Variants in XKR6 observed in about 807,000 individuals in gnomAD.
XKR6 encodes XK-related protein 6.
Under a neutral mutation model 56.7 loss-of-function variants are expected in XKR6, and 22 were observed. The ratio of observed to expected loss-of-function variants is 0.39; its 90% CI spans 0.28 to 0.55. The LOEUF is 0.55. XKR6 is among the 20% of genes least tolerant of loss of function. The probability of loss-of-function intolerance (pLI) is 0.66; values close to 1 mark genes in which losing one functional copy is unlikely to be tolerated. For synonymous variants in XKR6, 524 were observed against 387.8 expected (o/e 1.35, Z -4.13); for missense variants, 852 against 889.0 (o/e 0.96, Z 0.53).
chr8:11,010,160 G>A (rs59925271), intron 1 of XKR6, among the ~76,000 whole-genome samples: 6,367 of 152,164 alleles, frequency 0.042, 438 homozygotes, highest in African/African-American at 0.14. Context: ...GGCCACAACA[G>A]GAGGAAGAGA....
At chr8:10,997,616 A>G (rs1194047791) in intron 1 of XKR6, among the ~76,000 whole-genome samples, 1 of 152,244 alleles carries the variant, frequency 6.6e-6, no homozygotes, top group Non-Finnish European at 1.5e-5. Context: ...GCCAGGGCAC[A>G]GCCTAGAGTC....
chr8:11,161,401 G>A (rs763642309), intron 1 of XKR6, among the ~76,000 whole-genome samples: 13 of 152,038 alleles, frequency 8.6e-5, no homozygotes, highest in South Asian at 2.1e-4. Flanking sequence ...CCTAATTCCC[G>A]TCTAGTGCCT....
At chr8:10,906,587 G>C (rs1800195753) in intron 2 of XKR6, among the ~76,000 whole-genome samples, 1 of 152,188 alleles carries the variant, frequency 6.6e-6, no homozygotes, top group Non-Finnish European at 1.5e-5. Flanking sequence ...ATAATTTCAG[G>C]TCTAACAGGT....
At chr8:10,959,951 T>C (rs1308282503) in intron 1 of XKR6, among the ~76,000 whole-genome samples, 1 of 152,016 alleles carries the variant, frequency 6.6e-6, no homozygotes, top group African/African-American at 2.4e-5. Context: ...GAGTGCAGGA[T>C]TTAAGGCAGC....
Position 11,201,246 on chromosome 8 carries a change from C to A in XKR6, c.94G>T (p.Gly32Trp). Residue 32 changes from glycine (G) to tryptophan (W), a missense_variant, in exon 1 of 3, where the codon GGG becomes TGG. Around this residue, in one of 4 missense-constraint regions of XKR6, gnomAD observed 417 missense variants for 355.2 expected, o/e 1.17. Transcript: ENST00000416569. ...CCGCAGCCGCCTCCCCCGGGCTCCC[C>A]GTCCTCCTCGCCGCCGCTGCCCACC... is the stretch of plus-strand genomic sequence containing the variant. ...EAVGSGGEED[G>W]EPGGGGCGGG... 1 of 1,564,780 alleles carries A rather than the reference C, an allele frequency of 6.4e-7. No individual in the cohort carries two copies. The highest frequency in any genetic ancestry group is 2.4e-5 in the East Asian group (1 of 42,018).
chr8:11,084,220 T>A (rs1453812260), intron 1 of XKR6, among the ~76,000 whole-genome samples: 1 of 152,236 alleles, frequency 6.6e-6, no homozygotes, highest in Non-Finnish European at 1.5e-5. Flanking sequence ...AGGTTATGAC[T>A]TCAACCACTG....
intron 1 of XKR6, among the ~76,000 whole-genome samples, chr8:10,995,485 CAT>C (rs35051294): frequency 0.13 from 18,288 of 143,710 alleles, 1,286 homozygotes; most frequent in Middle Eastern, 0.19. Flanking sequence ...AACCCTATAT[CAT>C]ATATATATAT....
intron 1 of XKR6, among the ~76,000 whole-genome samples, chr8:11,059,680 C>T (rs183113232): frequency 7.9e-6 from 1 of 126,834 alleles, no homozygotes; most frequent in South Asian, 2.3e-4. Flanking sequence ...ACAGGTGCGG[C>T]GGGCGCGGGG....
rs1186657104 is a variant in XKR6 at position 10,897,946 on chromosome 8, A to G, written c.*6T>C. On this transcript the variant is annotated 3_prime_UTR_variant, in exon 3 of 3. Coordinates refer to ENST00000416569, the MANE Select transcript of XKR6 (RefSeq NM_173683.4). ...AGGTCCCCTTCTCAACTTGGTCAAG[A>G]TGCTCTTAGAGTGAAGACTCATACT... 6.5e-7 allele frequency: 1 copy of G among 1,544,678 alleles called. No homozygotes were observed. The highest frequency in any genetic ancestry group is 8.7e-7 in the Non-Finnish European group (1 of 1,146,320).
At chr8:11,149,382 A>G (rs911180120) in intron 1 of XKR6, among the ~76,000 whole-genome samples, 1 of 152,084 alleles carries the variant, frequency 6.6e-6, no homozygotes, top group Non-Finnish European at 1.5e-5. Flanking sequence ...AAAATACAGT[A>G]TTATAATTTT....
intron 1 of XKR6, among the ~76,000 whole-genome samples, chr8:10,943,040 T>G (rs1801431813): frequency 6.6e-6 from 1 of 152,198 alleles, no homozygotes; most frequent in Non-Finnish European, 1.5e-5. Context: ...GACCATAGGC[T>G]GCATGGCCCA....
chr8:11,058,592 A>C (rs369954844), intron 1 of XKR6, among the ~76,000 whole-genome samples: 4 of 152,230 alleles, frequency 2.6e-5, no homozygotes, highest in African/African-American at 9.6e-5. Flanking sequence ...CAGGAACAGA[A>C]AACCAAACAC....
chr8:10,977,373 A>T (rs1802597619), intron 1 of XKR6, among the ~76,000 whole-genome samples: 1 of 152,022 alleles, frequency 6.6e-6, no homozygotes, highest in African/African-American at 2.4e-5. Flanking sequence ...GTGGAGAATG[A>T]CAAATTCCCT....
chr8:11,124,220 C>G (rs1799636964), intron 1 of XKR6: 1 of 349,076 alleles, frequency 2.9e-6, no homozygotes, highest in Non-Finnish European at 5.7e-6. Flanking sequence ...ATTCTATTAT[C>G]AAGCATATTC....
intron 1 of XKR6, among the ~76,000 whole-genome samples, chr8:11,199,609 TTAAG>T (rs1157574608): frequency 5.3e-5 from 8 of 152,104 alleles, no homozygotes; most frequent in Admixed American, 3.3e-4. Flanking sequence ...ACAAGCTAAT[TTAAG>T]TAAGAGGGCA....
intron 1 of XKR6, among the ~76,000 whole-genome samples, chr8:10,945,791 A>G (rs1801517926): frequency 6.6e-6 from 1 of 152,096 alleles, no homozygotes; most frequent in Admixed American, 6.5e-5. Context: ...TCCCTTCTCC[A>G]GGCTCTGGCC....
intron 1 of XKR6, among the ~76,000 whole-genome samples, chr8:10,937,635 T>C (rs1206626658): frequency 6.7e-6 from 1 of 150,258 alleles, no homozygotes; most frequent in Non-Finnish European, 1.5e-5. Flanking sequence ...CACCCTCAGC[T>C]GCAGGTCTGT....
intron 1 of XKR6, chr8:11,138,747 C>T (rs1019910451): frequency 3.3e-5 from 5 of 152,088 alleles, no homozygotes; most frequent in African/African-American, 1.2e-4. Context: ...GATTATGATT[C>T]CTACAGCCAG....
intron 1 of XKR6, among the ~76,000 whole-genome samples, chr8:11,134,689 TACACACACGC>T (rs1800292292): frequency 6.6e-6 from 1 of 151,844 alleles, no homozygotes; most frequent in Admixed American, 6.6e-5. Flanking sequence ...GCTATCTGAA[TACACACACGC>T]ACACACACAC....
Sources: gnomAD v4.1 joint callset for allele counts (sites outside exome capture counted in the v4.1 genomes callset) on GRCh38, gnomAD v4.1.1 for gene constraint, gnomAD v4.1.1 regional missense constraint, MANE v1.5 for transcripts, NCBI Gene and HGNC (gene_info 2026-07-23, HGNC 2026-07-21) for gene names.